Variants in FBXL17 observed in about 807,000 individuals in gnomAD.
The protein encoded by FBXL17 is F-box and leucine rich repeat protein 17, also known as F-box/LRR-repeat protein 17.
FBXL17 carries 22 observed loss-of-function variants against 66.2 expected under a neutral mutation model. The observed-to-expected ratio is 0.33, with a 90% CI of 0.24 to 0.47. The LOEUF is 0.47. Ranked by LOEUF, FBXL17 falls within the 20% of genes least tolerant of loss-of-function variation. The probability of loss-of-function intolerance (pLI) is 1.00; values close to 1 mark genes in which losing one functional copy is unlikely to be tolerated. For synonymous variants in FBXL17, 474 were observed against 400.5 expected, an observed-to-expected ratio of 1.18 and a Z score of -2.19; for missense variants, 878 against 948.2, an observed-to-expected ratio of 0.93 and a Z score of 0.97.
intron 4 of FBXL17, among the ~76,000 whole-genome samples, chr5:108,268,150 A>G (rs903730540): frequency 1.3e-5 from 2 of 152,044 alleles, no homozygotes; most frequent in African/African-American, 4.8e-5. Flanking sequence ...AGAGGGGAAG[A>G]ATAAAGGGAA....
intron 7 of FBXL17, among the ~76,000 whole-genome samples, chr5:107,942,139 T>G (rs923378731): frequency 6.6e-6 from 1 of 152,118 alleles, no homozygotes; most frequent in Non-Finnish European, 1.5e-5. Context: ...ATGTAGGCAA[T>G]ACCAGCACAT....
chr5:107,986,556 T>A (rs190275023), intron 7 of FBXL17, among the ~76,000 whole-genome samples: 87 of 151,850 alleles, frequency 5.7e-4, no homozygotes, highest in Middle Eastern at 4.6e-3. Context: ...CCTTATCTCT[T>A]GAATATAACA....
At chr5:107,926,113 A>C (rs1352512963) in intron 7 of FBXL17, among the ~76,000 whole-genome samples, 1 of 152,178 alleles carries the variant, frequency 6.6e-6, no homozygotes, top group African/African-American at 2.4e-5. Context: ...TATTTAGTTC[A>C]TTGCTAAGCC....
chr5:108,152,850 T>C (rs1751823849), intron 6 of FBXL17, among the ~76,000 whole-genome samples: 1 of 152,164 alleles, frequency 6.6e-6, no homozygotes, highest in Non-Finnish European at 1.5e-5. Context: ...AAAATTCAGA[T>C]TTAACTGGGC....
chr5:108,349,559 C>T (rs1406619105), intron 3 of FBXL17, among the ~76,000 whole-genome samples: 1 of 152,086 alleles, frequency 6.6e-6, no homozygotes, highest in Non-Finnish European at 1.5e-5. Flanking sequence ...CAACCAATAA[C>T]ATATTCCTAC....
intron 4 of FBXL17, among the ~76,000 whole-genome samples, chr5:108,330,783 C>T (rs1561533391): frequency 6.6e-6 from 1 of 152,122 alleles, no homozygotes; most frequent in Non-Finnish European, 1.5e-5. Flanking sequence ...CACGTGCACA[C>T]ACATACATAT....
intron 7 of FBXL17, among the ~76,000 whole-genome samples, chr5:107,908,615 G>T (rs1410797074): frequency 6.6e-6 from 1 of 152,142 alleles, no homozygotes; most frequent in Non-Finnish European, 1.5e-5. Flanking sequence ...ATATGTGCTG[G>T]AGTAGTCAGA....
rs142557138 is a variant in FBXL17, at chr5:107,942,229, C to T, written c.1823-61050G>A. Among the ~76,000 whole-genome samples, 819 of 152,248 alleles carry T rather than the reference C, an allele frequency of 5.4e-3. 8 individuals carry two copies. The highest frequency in any genetic ancestry group is 0.019 in the African/African-American group (790 of 41,540). On this transcript the variant is annotated intron_variant, in intron 7 of 8. Transcript: ENST00000542267. ...TCCCCACCACCATGGTTCCTCAGCT[C>T]GTGCAAGGCTCTAAAGGAAAAACAA...
chr5:108,296,462 G>C (rs186805385), intron 4 of FBXL17, among the ~76,000 whole-genome samples: 2 of 151,728 alleles, frequency 1.3e-5, no homozygotes, highest in African/African-American at 4.8e-5. Context: ...CTAATACTAA[G>C]TACTGAATGA....
At chr5:107,979,012 C>A (rs1580277276) in intron 7 of FBXL17, among the ~76,000 whole-genome samples, 1 of 152,244 alleles carries the variant, frequency 6.6e-6, no homozygotes, top group East Asian at 1.9e-4. Flanking sequence ...GTCAAGTTAA[C>A]TTCTATCTCA....
intron 3 of FBXL17, among the ~76,000 whole-genome samples, chr5:108,356,650 G>C (rs1231377744): frequency 1.3e-5 from 2 of 151,994 alleles, no homozygotes; most frequent in African/African-American, 2.4e-5. Context: ...AACATCAGGG[G>C]TTGCCAGGAG....
At chr5:107,886,915 C>CAAAAAAAAAAAAAA (rs33943440) in intron 7 of FBXL17, among the ~76,000 whole-genome samples, 1 of 129,648 alleles carries the variant, frequency 7.7e-6, no homozygotes. Context: ...TAATGAAATA[C>CAAAAAAAAAAAAAA]AAAAAAAAAA....
At chr5:108,244,572 A>C (rs971765949) in intron 4 of FBXL17, among the ~76,000 whole-genome samples, 1 of 152,180 alleles carries the variant, frequency 6.6e-6, no homozygotes, top group Non-Finnish European at 1.5e-5. Context: ...TCCTTTCTCT[A>C]TCTACATGGA....
At chr5:108,040,915 A>G (rs1298693289) in intron 6 of FBXL17, among the ~76,000 whole-genome samples, 1 of 152,184 alleles carries the variant, frequency 6.6e-6, no homozygotes, top group Non-Finnish European at 1.5e-5. Context: ...AAATCATAAT[A>G]ATGTATCATA....
At chr5:107,950,560 C>T (rs1751465392) in intron 7 of FBXL17, among the ~76,000 whole-genome samples, 1 of 152,108 alleles carries the variant, frequency 6.6e-6, no homozygotes, top group Admixed American at 6.6e-5. Flanking sequence ...TACAAATATG[C>T]CATTCCGTTA....
chr5:108,381,182 C>G lies in FBXL17; in HGVS notation c.510G>C (p.Leu170=). 7.0e-7 allele frequency: 1 copy of G among 1,433,798 alleles called. No individual in the cohort carries two copies. The highest frequency in any genetic ancestry group is 9.1e-7 in the Non-Finnish European group (1 of 1,095,640). 88.8% of individuals were successfully genotyped at this position (1,433,798 alleles called of 1,614,324 possible). A position where few individuals can be genotyped will look rare whatever the true frequency, so the allele number is the denominator to read the frequency against. ...AGAGCTGCACGGCGGCGGGCGGCCC[C>G]AGGAAGCGCACCGGCCCCAAGCTGG... ...FLASLGPVRF[L]GPPAAVQLFR... is the part of the protein sequence containing the mutation. Residue 170 remains leucine, a synonymous_variant, in exon 1 of 9, where the codon CTG becomes CTC. Transcript: ENST00000542267.
chr5:107,894,695 C>T (rs1273941104), intron 7 of FBXL17, among the ~76,000 whole-genome samples: 2 of 152,056 alleles, frequency 1.3e-5, no homozygotes, highest in Non-Finnish European at 2.9e-5. Flanking sequence ...TATAATTATA[C>T]ATGTGTGAGA....
chr5:107,930,560 C>T (rs1057286491), intron 7 of FBXL17, among the ~76,000 whole-genome samples: 2 of 152,244 alleles, frequency 1.3e-5, no homozygotes, highest in Non-Finnish European at 2.9e-5. Flanking sequence ...AGTACATAAA[C>T]CCCAAGTGGA....
intron 6 of FBXL17, among the ~76,000 whole-genome samples, chr5:108,021,794 A>G (rs2112765785): frequency 6.6e-6 from 1 of 152,038 alleles, no homozygotes; most frequent in East Asian, 1.9e-4. Flanking sequence ...TTGTGTAGTC[A>G]TACAGACACA....
Sources: allele counts gnomAD v4.1 joint callset (sites outside exome capture counted in the v4.1 genomes callset), GRCh38; gene constraint gnomAD v4.1.1; transcripts MANE v1.5; gene names NCBI Gene and HGNC (gene_info 2026-07-23, HGNC 2026-07-21).